The following SHPRH variants were observed in gnomAD, a reference collection of about 807,000 sequenced individuals.
The protein encoded by SHPRH is SNF2 histone linker PHD RING helicase.
In SHPRH, 106 loss-of-function variants were observed where a neutral mutation model predicts 202.5. That is an observed-to-expected ratio of 0.52 (90% CI 0.45 to 0.62). SHPRH has a LOEUF of 0.62. Among genes scored for constraint, SHPRH ranks in the 20% least tolerant of loss-of-function variants. The pLI is 0.00. For synonymous variants in SHPRH, 729 were observed against 686.0 expected, an observed-to-expected ratio of 1.06 and a Z score of -0.98; for missense variants, 1,710 against 2,020.0, an observed-to-expected ratio of 0.85 and a Z score of 2.94.
At chr6:145,869,464 A>C (rs1779955301) in intron 2 of SHPRH, among the ~76,000 whole-genome samples, 2 of 152,176 alleles carry the variant, frequency 1.3e-5, no homozygotes, top group Non-Finnish European at 2.9e-5. Flanking sequence ...GGAGTGTTAT[A>C]ATTCTGCATT....
rs747430517 is a variant in SHPRH, at chr6:145,888,029, G to C, written c.4946C>G (p.Ala1649Gly). The change falls in exon 29 of 30, where the codon GCT becomes GGT. Residue 1649 changes from alanine (A) to glycine (G), a missense_variant. By Grantham distance (60) the Ala-to-Gly change is moderately conservative. Transcript: ENST00000275233. The part of the protein sequence containing the change: ...EERMQAMLKT[A>G]ERSHTNSSAK... ...GTAAATTATTACCTACCTTCTCTCA[G>C]CAGTTTTCAGCATTGCCTGCATTCT... 11 of 1,610,946 alleles carry C rather than the reference G, an allele frequency of 6.8e-6. No individual in the cohort carries two copies. In the South Asian group the frequency reaches 9.9e-5, roughly 14 times the overall value.
chr6:145,927,737 G>A (rs141074804), intron 14 of SHPRH, among the ~76,000 whole-genome samples: 5 of 151,754 alleles, frequency 3.3e-5, no homozygotes, highest in South Asian at 2.1e-4. Flanking sequence ...CACACATAGC[G>A]ATCAGAAAAA....
rs1784119944 is a variant in SHPRH at position 145,918,233 on chromosome 6, C to T, written c.4153-1G>A. The T allele has an allele frequency of 6.6e-7, 1 of 1,518,678 alleles. No homozygotes were observed. The highest frequency in any genetic ancestry group is 8.8e-7 in the Non-Finnish European group (1 of 1,137,192). 94.1% of individuals were successfully genotyped at this position (1,518,678 alleles called of 1,614,324 possible). On this transcript the variant is annotated splice_acceptor_variant, in intron 22 of 29. Coordinates refer to ENST00000275233, the MANE Select transcript of SHPRH (RefSeq NM_001042683.3). LOFTEE classifies it high-confidence loss of function. ...GTAGTTTTATTCGGTTTTGTTCTAC[C>T]TAAAGAAAATAAAAATAAAAACTTC...
At chr6:145,919,254 G>T in intron 22 of SHPRH, 94 bp downstream of exon 22, 1 of 1,499,362 alleles carries the variant, frequency 6.7e-7, no homozygotes, top group South Asian at 1.3e-5. Context: ...ACTTACAGTA[G>T]AGCTCAGTGC....
chr6:145,892,765 A>C (rs867330176), intron 28 of SHPRH, among the ~76,000 whole-genome samples: 1 of 152,186 alleles, frequency 6.6e-6, no homozygotes, highest in East Asian at 1.9e-4. Context: ...GTCTTTTCCT[A>C]ATGTTAAGAA....
chr6:145,952,516 G>T, intron 2 of SHPRH, 38 bp from the exon 3 acceptor site: 3 of 1,572,192 alleles, frequency 1.9e-6, no homozygotes, highest in South Asian at 2.4e-5. Context: ...AGTTTCATTT[G>T]AAATATACCA....
At chr6:145,906,904 G>C (rs1783013364) in intron 25 of SHPRH, 1 of 152,206 alleles carries the variant, frequency 6.6e-6, no homozygotes, top group Non-Finnish European at 1.5e-5. Flanking sequence ...CCGAAGCAGA[G>C]CTTCCCTGTG....
intron 2 of SHPRH, among the ~76,000 whole-genome samples, chr6:145,864,932 A>AACACACACACACAC (rs535717920): frequency 3.7e-5 from 5 of 133,854 alleles, no homozygotes. Context: ...AAAATTTATA[A>AACACACACACACAC]ACACACACAC....
chr6:145,923,017 T>G (rs887587613), intron 18 of SHPRH, among the ~76,000 whole-genome samples, 181 bp from the exon 19 acceptor site: 2 of 151,254 alleles, frequency 1.3e-5, no homozygotes, highest in Admixed American at 1.3e-4. Flanking sequence ...AATATTGGGC[T>G]GTCTACCGTA....
Position 145,943,664 on chromosome 6 carries a change from G to T in SHPRH, c.1717C>A (p.Arg573Ser). ...YYYYYKSRRN[R>S]SKLRKKLVPS... ...ACAAGCTTTTTCCTCAATTTACTGC[G>T]ATTTCTCCTGGACTTATAATAATAA... The change falls in exon 9 of 30, where the codon CGC becomes AGC. Residue 573 changes from arginine to serine, a missense_variant. By Grantham distance (110) the Arg-to-Ser change is moderately radical. Transcript: ENST00000275233. 1 of 1,613,694 alleles carries T rather than the reference G, an allele frequency of 6.2e-7. No individual in the cohort carries two copies. The highest frequency in any genetic ancestry group is 8.5e-7 in the Non-Finnish European group (1 of 1,179,870).
chr6:145,904,198 T>G (rs1782747742), intron 25 of SHPRH: 1 of 152,080 alleles, frequency 6.6e-6, no homozygotes, highest in Non-Finnish European at 1.5e-5. Flanking sequence ...GATATATGGT[T>G]TGCTATGTCT....
chr6:145,947,683 G>C (rs1470561736), intron 5 of SHPRH, 40 bp from the exon 6 acceptor site: 7 of 1,600,838 alleles, frequency 4.4e-6, no homozygotes, highest in Admixed American at 1.7e-5. Flanking sequence ...ATAGGAATGT[G>C]AATACAAATT....
chr6:145,901,383 T>C (rs902663251), intron 25 of SHPRH, among the ~76,000 whole-genome samples: 1 of 152,110 alleles, frequency 6.6e-6, no homozygotes, highest in South Asian at 2.1e-4. Flanking sequence ...AGAAGACTAT[T>C]CAATGTAGTT....
chr6:145,945,353 A>G (rs371052403), intron 8 of SHPRH, 28 bp downstream of exon 8: 12 of 1,590,424 alleles, frequency 7.5e-6, no homozygotes, highest in Non-Finnish European at 1.0e-5. Context: ...CGTGTACTTA[A>G]TATAGAGCTG....
chr6:145,927,330 A>G, intron 14 of SHPRH, 53 bp from the exon 15 acceptor site: 1 of 1,447,434 alleles, frequency 6.9e-7, no homozygotes, highest in Non-Finnish European at 9.6e-7. Context: ...TTTAGTTCCC[A>G]ATGTCATCTA....
chr6:145,931,747 G>A (rs925585821), intron 14 of SHPRH, among the ~76,000 whole-genome samples: 12 of 152,050 alleles, frequency 7.9e-5, no homozygotes, highest in Non-Finnish European at 1.5e-4. Flanking sequence ...GTCACACACA[G>A]TCTACCTTCA....
At chr6:145,911,604 G>A (rs761904878) in intron 24 of SHPRH, among the ~76,000 whole-genome samples, 97 of 152,180 alleles carry the variant, frequency 6.4e-4, no homozygotes, top group Admixed American at 3.3e-3. Flanking sequence ...AGTTTTAACC[G>A]TTTTCATCTG....
At chr6:145,943,005 TAAGC>T in intron 9 of SHPRH, 134 bp downstream of exon 9, 1 of 1,025,746 alleles carries the variant, frequency 9.7e-7, no homozygotes, top group Non-Finnish European at 1.4e-6. Context: ...TTTTTTTCTT[TAAGC>T]TTTGATTTAA....
At chr6:145,879,812 T>C (rs1780471199), downstream of SHPRH, among the ~76,000 whole-genome samples, 1 of 146,574 alleles carries the variant, frequency 6.8e-6, no homozygotes, top group Admixed American at 7.1e-5. Context: ...CTCGGGAGGC[T>C]GAGGCAGGAG....
Sources: allele counts gnomAD v4.1 joint callset (sites outside exome capture counted in the v4.1 genomes callset), GRCh38; gene constraint gnomAD v4.1.1; transcripts MANE v1.5; gene names NCBI Gene and HGNC (gene_info 2026-07-23, HGNC 2026-07-21).